Variants in GRIA4 observed in about 807,000 individuals in gnomAD.
GRIA4 encodes glutamate ionotropic receptor AMPA type subunit 4, also known as glutamate receptor 4.
In GRIA4, 34 loss-of-function variants were observed where a neutral mutation model predicts 104.0. The ratio of observed to expected loss-of-function variants is 0.33; its 90% CI spans 0.25 to 0.44. The LOEUF (loss-of-function observed/expected upper bound fraction) is 0.44. Ranked by LOEUF, GRIA4 falls within the 20% of genes least tolerant of loss-of-function variation. GRIA4 has a pLI of 1.00. For missense variants in GRIA4, 750 were observed against 1,096.5 expected, an observed-to-expected ratio of 0.68 and a Z score of 4.46; for synonymous variants, 386 against 381.9, an observed-to-expected ratio of 1.01 and a Z score of -0.13.
intron 4 of GRIA4, among the ~76,000 whole-genome samples, chr11:105,790,275 G>C (rs1290707918): frequency 6.6e-6 from 1 of 152,126 alleles, no homozygotes; most frequent in Non-Finnish European, 1.5e-5. Flanking sequence ...AGAGACATCT[G>C]TTACCTTTAT....
intron 14 of GRIA4, among the ~76,000 whole-genome samples, chr11:105,952,032 G>C (rs1451648855): frequency 6.6e-6 from 1 of 152,108 alleles, no homozygotes; most frequent in Non-Finnish European, 1.5e-5. Context: ...CACAGATTGA[G>C]GCTAGTACTT....
At chr11:105,738,472 C>T (rs1939096543) in intron 3 of GRIA4, among the ~76,000 whole-genome samples, 2 of 152,098 alleles carry the variant, frequency 1.3e-5, no homozygotes, top group Admixed American at 1.3e-4. Context: ...TAAACACATA[C>T]ATTAAACAAA....
intron 3 of GRIA4, among the ~76,000 whole-genome samples, chr11:105,665,937 T>C (rs1465815175): frequency 3.3e-5 from 5 of 152,040 alleles, no homozygotes; most frequent in Non-Finnish European, 7.4e-5. Context: ...TGATGGATGA[T>C]TGTTGTTGCC....
Position 105,910,533 on chromosome 11 carries a change from A to C in GRIA4, c.1257A>C (p.Val419=). 6.6e-7 allele frequency: 1 copy of C among 1,516,258 alleles called. No individual in the cohort carries two copies. Among genetic ancestry groups the C allele is most frequent in the Non-Finnish European group, 9.2e-7 (1 of 1,090,690 alleles). 93.9% of individuals were successfully genotyped at this position (1,516,258 alleles called of 1,614,324 possible). Reference sequence around the variant, plus strand: ...CTATTGAGAACAGAACAGTGGTTGTAACCACAATTATGGTAAGTGTTGGTC... The same window carrying C: ...CTATTGAGAACAGAACAGTGGTTGTCACCACAATTATGGTAAGTGTTGGTC... ...TAAIENRTVV[V]TTIMESPYVM... is the part of the protein sequence containing the mutation. Residue 419 remains valine, a synonymous_variant, in exon 10 of 17, where the codon GTA becomes GTC. Transcript: ENST00000282499.
chr11:105,843,527 A>G (rs1266801189), intron 4 of GRIA4, among the ~76,000 whole-genome samples: 1 of 152,208 alleles, frequency 6.6e-6, no homozygotes, highest in Non-Finnish European at 1.5e-5. Flanking sequence ...CACCTGTTTC[A>G]GTCTTCCAAA....
At position 105,926,810 on chromosome 11, in the gene GRIA4, T is replaced by G. The variant is rs1259700745; in HGVS notation, c.1917T>G (p.Thr639=). ...FFTLIIISSY[T]ANLAAFLTVE... The stretch of plus-strand genomic sequence containing the variant: ...CACTCATCATTATATCATCTTATAC[T>G]GCTAACCTCGCTGCTTTCCTGACGG... Residue 639 remains threonine, a synonymous_variant, in exon 13 of 17, where the codon ACT becomes ACG. Coordinates refer to ENST00000282499, the MANE Select transcript of GRIA4 (RefSeq NM_000829.4). The G allele has an allele frequency of 6.2e-7, 1 of 1,611,196 alleles. No homozygotes were observed. Among genetic ancestry groups the G allele is most frequent in the South Asian group, 1.1e-5 (1 of 91,024 alleles).
intron 3 of GRIA4, among the ~76,000 whole-genome samples, chr11:105,620,471 C>T (rs1382273377): frequency 2.6e-5 from 4 of 151,832 alleles, no homozygotes. Flanking sequence ...CATACCACAG[C>T]ATCTTGATCA....
chr11:105,745,936 C>T lies in GRIA4; in HGVS notation c.248-7045C>T, dbSNP rs1369770224. Among the ~76,000 whole-genome samples the T allele has an allele frequency of 3.3e-5, 5 of 152,176 alleles. No homozygotes were observed. In the South Asian group the frequency reaches 6.2e-4, roughly 19 times the overall value. On this transcript the variant is annotated intron_variant, in intron 3 of 16. Coordinates refer to ENST00000282499, the MANE Select transcript of GRIA4 (RefSeq NM_000829.4). ...TTCTGCTGAGTATTCCTTTTTCCTA[C>T]GAATTTACTGACTCAACACATCCTA...
intron 4 of GRIA4, among the ~76,000 whole-genome samples, chr11:105,836,287 G>T (rs1944183256): frequency 6.6e-6 from 1 of 152,002 alleles, no homozygotes; most frequent in South Asian, 2.1e-4. Flanking sequence ...CTTGCTCAGG[G>T]GGCAAAAGGA....
chr11:105,776,478 G>A (rs1941456658), intron 4 of GRIA4, among the ~76,000 whole-genome samples: 1 of 152,130 alleles, frequency 6.6e-6, no homozygotes, highest in Non-Finnish European at 1.5e-5. Context: ...TAAACAGAGA[G>A]ATTGATTCAT....
At chr11:105,796,543 T>C (rs999478861) in intron 4 of GRIA4, among the ~76,000 whole-genome samples, 6 of 152,186 alleles carry the variant, frequency 3.9e-5, no homozygotes, top group African/African-American at 1.2e-4. Flanking sequence ...AGTCCCCTTT[T>C]GTGTAGGATG....
At chr11:105,848,789 A>G (rs1305318619) in intron 4 of GRIA4, among the ~76,000 whole-genome samples, 1 of 152,174 alleles carries the variant, frequency 6.6e-6, no homozygotes, top group Non-Finnish European at 1.5e-5. Context: ...CTTCACCACC[A>G]TAAGTCGGAA....
At position 105,933,821 on chromosome 11, in the gene GRIA4, C is replaced by G. The variant is rs1441469174; in HGVS notation, c.2146C>G (p.Arg716Gly). The change falls in exon 14 of 17, where the codon CGC becomes GGC. Residue 716 changes from arginine (R) to glycine (G), a missense_variant. By Grantham distance (125) the Arg-to-Gly change is moderately radical. This residue lies in a region of GRIA4 where 272 missense variants were observed against 524.5 expected (regional missense o/e 0.52). Coordinates refer to ENST00000282499, the MANE Select transcript of GRIA4 (RefSeq NM_000829.4). ...RTTAEGVARVRKSKGKFAFLL... is the reference protein window; with the variant it reads ...RTTAEGVARVGKSKGKFAFLL... ...TACAGCTGAGGGAGTAGCTCGTGTCCGCAAATCCAAGGGCAAATTTGCCTT... is the reference window on the plus strand; with the variant it reads ...TACAGCTGAGGGAGTAGCTCGTGTCGGCAAATCCAAGGGCAAATTTGCCTT... 1.2e-6 allele frequency: 2 copies of G among 1,613,146 alleles called. No homozygotes were observed. Among genetic ancestry groups the G allele is most frequent in the African/African-American group, 2.7e-5 (2 of 74,838 alleles).
intron 4 of GRIA4, among the ~76,000 whole-genome samples, chr11:105,829,406 A>G (rs1470644580): frequency 6.6e-6 from 1 of 151,988 alleles, no homozygotes; most frequent in Non-Finnish European, 1.5e-5. Flanking sequence ...GTCTGCCACA[A>G]ATTGAGGAGA....
At chr11:105,885,171 A>G (rs1946210269) in intron 5 of GRIA4, among the ~76,000 whole-genome samples, 1 of 152,196 alleles carries the variant, frequency 6.6e-6, no homozygotes, top group African/African-American at 2.4e-5. Flanking sequence ...GGCATCAAGC[A>G]TCCTCCTGAT....
At chr11:105,847,816 T>A (rs1421644769) in intron 4 of GRIA4, among the ~76,000 whole-genome samples, 1 of 152,194 alleles carries the variant, frequency 6.6e-6, no homozygotes, top group Admixed American at 6.5e-5. Context: ...AAAACTTTAA[T>A]TACTGGTGTT....
At chr11:105,935,775 G>A (rs1948016816) in intron 14 of GRIA4, among the ~76,000 whole-genome samples, 1 of 152,088 alleles carries the variant, frequency 6.6e-6, no homozygotes, top group Non-Finnish European at 1.5e-5. Context: ...GGGTTTGCCT[G>A]ACTCCCATTA....
At chr11:105,979,162 A>G (rs1859145367) in intron 16 of GRIA4, among the ~76,000 whole-genome samples, 1 of 152,176 alleles carries the variant, frequency 6.6e-6, no homozygotes, top group South Asian at 2.1e-4. Context: ...GTACTTCATT[A>G]GTTCTGGTAG....
chr11:105,646,448 C>T (rs1951530901), intron 3 of GRIA4, among the ~76,000 whole-genome samples: 3 of 151,958 alleles, frequency 2.0e-5, no homozygotes, highest in Non-Finnish European at 2.9e-5. Flanking sequence ...AAAAATTAGA[C>T]AATCACCCAA....
Sources: gnomAD v4.1 joint callset for allele counts (sites outside exome capture counted in the v4.1 genomes callset) on GRCh38, gnomAD v4.1.1 for gene constraint, gnomAD v4.1.1 regional missense constraint, MANE v1.5 for transcripts, NCBI Gene and HGNC (gene_info 2026-07-23, HGNC 2026-07-21) for gene names.